The following UST variants were observed in gnomAD, a reference collection of about 807,000 sequenced individuals.
UST encodes the protein uronyl 2-sulfotransferase, also known as chondroitin sulfate 2-O-sulfotransferase.
A neutral mutation model predicts 45.6 loss-of-function variants in UST; 21 were observed. The observed-to-expected ratio is 0.46, with a 90% CI of 0.33 to 0.66. The LOEUF (loss-of-function observed/expected upper bound fraction) is 0.66, where lower values mean the gene tolerates loss of function less well. UST is among the 30% of genes least tolerant of loss of function. UST has a pLI of 0.02. For missense variants in UST, 463 were observed against 512.4 expected (o/e 0.90, Z 0.93); for synonymous variants, 215 against 200.6 (o/e 1.07, Z -0.61).
chr6:148,837,010 A>C (rs1053751236), intron 1 of UST, among the ~76,000 whole-genome samples: 2 of 152,242 alleles, frequency 1.3e-5, no homozygotes, highest in African/African-American at 4.8e-5. Flanking sequence ...ATGAGGGCAT[A>C]GAACAGAATT....
At chr6:149,021,223 T>TA in intron 6 of UST, 101 bp from the exon 7 acceptor site, 1 of 1,307,402 alleles carries the variant, frequency 7.6e-7, no homozygotes, top group South Asian at 1.4e-5. Flanking sequence ...GATTTGGACT[T>TA]ATGCAAGTGA....
chr6:149,048,127 A>T (rs1209310440), intron 7 of UST, among the ~76,000 whole-genome samples: 2 of 150,204 alleles, frequency 1.3e-5, no homozygotes, highest in African/African-American at 4.9e-5. Flanking sequence ...TAAAGAGTTC[A>T]TTTTTTTTTT....
intron 6 of UST, among the ~76,000 whole-genome samples, chr6:149,020,649 T>C (rs7744941): frequency 0.046 from 7,021 of 152,218 alleles, 557 homozygotes; most frequent in African/African-American, 0.16. Context: ...GAACCCTGGC[T>C]TGCCCAATTC....
chr6:149,032,831 T>C (rs866184294), intron 7 of UST, among the ~76,000 whole-genome samples: 2 of 152,196 alleles, frequency 1.3e-5, no homozygotes, highest in Non-Finnish European at 2.9e-5. Context: ...GGCAAAAAGC[T>C]GGCTAATAAT....
intron 2 of UST, among the ~76,000 whole-genome samples, chr6:148,902,399 T>A (rs928677746): frequency 6.6e-6 from 1 of 151,894 alleles, no homozygotes. Flanking sequence ...GCTAATTTTT[T>A]TTTTTTTTTT....
intron 2 of UST, among the ~76,000 whole-genome samples, chr6:148,887,673 A>G (rs34865085): frequency 0.037 from 5,562 of 152,336 alleles, 119 homozygotes; most frequent in Middle Eastern, 0.11. Flanking sequence ...AATACATGCA[A>G]TGCAATTACC....
intron 5 of UST, among the ~76,000 whole-genome samples, chr6:149,004,631 G>C (rs1258701596): frequency 6.6e-6 from 1 of 152,200 alleles, no homozygotes; most frequent in East Asian, 1.9e-4. Flanking sequence ...CCTAGTGAAA[G>C]CAAATCAGAC....
At chr6:148,916,354 A>G (rs9390633) in intron 2 of UST, among the ~76,000 whole-genome samples, 54,902 of 152,048 alleles carry the variant, frequency 0.36, 10,269 homozygotes, top group South Asian at 0.54. Context: ...CCACCGTAAC[A>G]CATATCCTCC....
intron 1 of UST, among the ~76,000 whole-genome samples, chr6:148,784,840 T>C (rs573515269): frequency 6.6e-6 from 1 of 152,294 alleles, no homozygotes; most frequent in Non-Finnish European, 1.5e-5. Flanking sequence ...GTCTTATCAG[T>C]GGACATGAAG....
At chr6:149,034,882 CTCTCTCTCTCT>C (rs2115027980) in intron 7 of UST, among the ~76,000 whole-genome samples, 1 of 101,502 alleles carries the variant, frequency 9.9e-6, no homozygotes, top group Admixed American at 9.1e-5. Context: ...CTCTCTCTCT[CTCTCTCTCTCT>C]CTCCTTGGAT....
chr6:148,910,134 C>CTT (rs148286486), intron 2 of UST, among the ~76,000 whole-genome samples: 10,100 of 103,082 alleles, frequency 0.098, 679 homozygotes, highest in Non-Finnish European at 0.13. Flanking sequence ...GCCTGGGATG[C>CTT]TTTTTTTTTT....
intron 4 of UST, among the ~76,000 whole-genome samples, chr6:148,954,497 A>T (rs1162623252): frequency 6.6e-6 from 1 of 152,212 alleles, no homozygotes; most frequent in Non-Finnish European, 1.5e-5. Flanking sequence ...CTATGTTTAG[A>T]TACACAAATG....
intron 1 of UST, among the ~76,000 whole-genome samples, chr6:148,785,946 G>T (rs1404843258): frequency 6.6e-6 from 1 of 152,154 alleles, no homozygotes; most frequent in Non-Finnish European, 1.5e-5. Context: ...TGTTTTTATG[G>T]GTATTTTGAG....
intron 1 of UST, among the ~76,000 whole-genome samples, chr6:148,865,664 TTGTGTGTGTGTGTGTGTG>T (rs56252604): frequency 0.017 from 2,061 of 117,902 alleles, 30 homozygotes; most frequent in Admixed American, 0.031. Flanking sequence ...CTTGCTGAAA[TTGTGTGTGTGTGTGTGTG>T]TGTGTGTGTG....
chr6:148,766,697 G>A (rs1439156142), intron 1 of UST, among the ~76,000 whole-genome samples: 4 of 152,268 alleles, frequency 2.6e-5, no homozygotes, highest in South Asian at 2.1e-4. Flanking sequence ...AGATCAGGAG[G>A]TACTCAAGAC....
intron 1 of UST, among the ~76,000 whole-genome samples, chr6:148,857,455 A>G (rs1778226389): frequency 6.6e-6 from 1 of 152,226 alleles, no homozygotes; most frequent in Non-Finnish European, 1.5e-5. Context: ...TGCACAGTCA[A>G]TTAACACAAC....
chr6:148,784,850 G>A lies in UST; in HGVS notation c.247+37173G>A, dbSNP rs184871542. ...GAAATGTCTTATCAGTGGACATGAA[G>A]TATAGAAGACTTAGCAGACTCAGGA... On this transcript the variant is annotated intron_variant, in intron 1 of 7. Transcript: ENST00000367463. Among the ~76,000 whole-genome samples the A allele has an allele frequency of 6.6e-5, 10 of 152,366 alleles. 1 individual carries two copies. In the East Asian group the frequency reaches 1.9e-3, roughly 29 times the overall value.
chr6:148,984,369 A>G (rs549633056), intron 5 of UST, among the ~76,000 whole-genome samples: 6 of 152,328 alleles, frequency 3.9e-5, no homozygotes, highest in African/African-American at 1.2e-4. Flanking sequence ...CAAGAATCTC[A>G]TATGGATGAG....
intron 1 of UST, among the ~76,000 whole-genome samples, chr6:148,757,137 A>G (rs926009198): frequency 6.6e-5 from 10 of 152,224 alleles, no homozygotes; most frequent in African/African-American, 2.4e-4. Flanking sequence ...AGCTGGGACT[A>G]CAGGCACAAG....
Sources: allele counts gnomAD v4.1 joint callset (sites outside exome capture counted in the v4.1 genomes callset), GRCh38; gene constraint gnomAD v4.1.1; transcripts MANE v1.5; gene names NCBI Gene and HGNC (gene_info 2026-07-23, HGNC 2026-07-21).